Variants in LRIG2 observed in about 807,000 individuals in gnomAD.
LRIG2 encodes the protein leucine rich repeats and immunoglobulin like domains 2, also known as leucine-rich repeats and immunoglobulin-like domains protein 2.
In LRIG2, 93 loss-of-function variants were observed where a neutral mutation model predicts 107.8. The ratio of observed to expected loss-of-function variants is 0.86; its 90% CI spans 0.73 to 1.03. The LOEUF is 1.03. Among genes scored for constraint, LRIG2 ranks in the 50% least tolerant of loss-of-function variants. The pLI is 0.00. For missense variants in LRIG2, 1,226 were observed against 1,296.0 expected (o/e 0.95, Z 0.83); for synonymous variants, 471 against 470.6 (o/e 1.00, Z -0.01).
chr1:113,081,500 T>A (rs531891305), intron 1 of LRIG2, among the ~76,000 whole-genome samples: 1 of 152,096 alleles, frequency 6.6e-6, no homozygotes, highest in African/African-American at 2.4e-5. Flanking sequence ...AATTTTTGTA[T>A]TTTTAGTAGA....
rs1169270324 is a variant in LRIG2 at position 113,129,874 on chromosome 1, C to G, written c.*5773C>G. On this transcript the variant is annotated 3_prime_UTR_variant, in exon 18 of 18. Coordinates refer to ENST00000361127, the MANE Select transcript of LRIG2 (RefSeq NM_014813.3). The stretch of plus-strand genomic sequence containing the variant: ...ACAGGATCTACACTTATGCCATTGG[C>G]TTTCTGTCACTCCGCAACTTGTACT... The G allele has an allele frequency of 6.6e-6, 1 of 152,110 alleles. No individual in the cohort carries two copies. Among genetic ancestry groups the G allele is most frequent in the Non-Finnish European group, 1.5e-5 (1 of 68,054 alleles). 9.4% of individuals were successfully genotyped at this position (152,110 alleles called of 1,614,324 possible).
intron 1 of LRIG2, among the ~76,000 whole-genome samples, chr1:113,081,050 C>G (rs902685146): frequency 1.3e-5 from 2 of 151,878 alleles, no homozygotes; most frequent in Admixed American, 1.3e-4. Context: ...ACCATGTTGG[C>G]CAGGCTGGCC....
chr1:113,094,233 T>G, intron 4 of LRIG2, 106 bp from the exon 5 acceptor site: 1 of 700,128 alleles, frequency 1.4e-6, no homozygotes, highest in Non-Finnish European at 2.3e-6. Flanking sequence ...GGATGGGCAT[T>G]AAGTGATAGA....
chr1:113,103,081 A>C (rs1570752820), intron 11 of LRIG2: 1 of 152,288 alleles, frequency 6.6e-6, no homozygotes, highest in Non-Finnish European at 1.5e-5. Flanking sequence ...GTTTAACATA[A>C]AATTTAAACA....
rs1389624345 is a variant in LRIG2, at chr1:113,096,236, A to G, written c.962A>G (p.Asn321Ser). 1.2e-6 allele frequency: 2 copies of G among 1,613,682 alleles called. No homozygotes were observed. The highest frequency in any genetic ancestry group is 1.7e-6 in the Non-Finnish European group (2 of 1,179,974). Residue 321 changes from asparagine (N) to serine (S), a missense_variant, in exon 8 of 18, where the codon AAC becomes AGC. Physicochemically the swap from Asn to Ser is conservative, Grantham distance 46 (BLOSUM62 1). This residue lies in a region of LRIG2 where 570 missense variants were observed against 550.2 expected (regional missense o/e 1.04). Coordinates refer to ENST00000361127, the MANE Select transcript of LRIG2 (RefSeq NM_014813.3). The part of the protein sequence containing the change: ...QRLSELDLSY[N>S]QLTRLDESAF... ...CTTGTTTTCAGTGATTTGTCCTATA[A>G]CCAGCTGACCCGCCTGGATGAATCT...
At chr1:113,089,094 G>A (rs957845125) in intron 1 of LRIG2, among the ~76,000 whole-genome samples, 23 of 152,256 alleles carry the variant, frequency 1.5e-4, no homozygotes, top group Middle Eastern at 3.4e-3. Flanking sequence ...CTGATAGGCC[G>A]GCATGAATCT....
chr1:113,095,225 C>G (rs1269141927), intron 6 of LRIG2, among the ~76,000 whole-genome samples: 1 of 152,028 alleles, frequency 6.6e-6, no homozygotes, highest in Non-Finnish European at 1.5e-5. Flanking sequence ...CCCACCTTGG[C>G]CTCCCAAAGT....
chr1:113,114,761 A>G lies in LRIG2; in HGVS notation c.2415A>G (p.Thr805=), dbSNP rs1444928534. ...GGCATGAAGATGATGGCTGGACCAC[A>G]GTTGGCATTGTCATCATTGTTGTGG... ...SIGHEDDGWT[T]VGIVIIVVVC... Residue 805 remains threonine, a synonymous_variant, in exon 15 of 18, where the codon ACA becomes ACG. Transcript: ENST00000361127. 1.9e-6 allele frequency: 3 copies of G among 1,614,174 alleles called. No homozygotes were observed. The highest frequency in any genetic ancestry group is 3.3e-4 in the Middle Eastern group (2 of 6,062).
At chr1:113,104,113 C>T (rs12090558) in intron 11 of LRIG2, among the ~76,000 whole-genome samples, 2,487 of 152,282 alleles carry the variant, frequency 0.016, 82 homozygotes, top group African/African-American at 0.056. Context: ...GTTTGGAATA[C>T]TTAAGATCTC....
chr1:113,082,698 G>C (rs1483126190), intron 1 of LRIG2, among the ~76,000 whole-genome samples: 1 of 152,164 alleles, frequency 6.6e-6, no homozygotes, highest in Non-Finnish European at 1.5e-5. Flanking sequence ...CTGTTGCCCA[G>C]GCTGGAGTGC....
chr1:113,080,393 T>A (rs1159742588), intron 1 of LRIG2, among the ~76,000 whole-genome samples: 3 of 151,366 alleles, frequency 2.0e-5, no homozygotes, highest in Non-Finnish European at 4.4e-5. Flanking sequence ...TTATTTATTT[T>A]TTTGGAGACG....
At chr1:113,076,075 G>A (rs1330937593) in intron 1 of LRIG2, among the ~76,000 whole-genome samples, 46 of 151,248 alleles carry the variant, frequency 3.0e-4, no homozygotes, top group Admixed American at 2.9e-3. Flanking sequence ...GCACGATCTC[G>A]GCTCAGTGCA....
At chr1:113,116,955 T>G (rs994108390) in intron 16 of LRIG2, among the ~76,000 whole-genome samples, 1 of 152,188 alleles carries the variant, frequency 6.6e-6, no homozygotes, top group Non-Finnish European at 1.5e-5. Context: ...CACTGTACTC[T>G]AGCCTGGACA....
intron 1 of LRIG2, among the ~76,000 whole-genome samples, chr1:113,082,657 T>C (rs1285311364): frequency 1.3e-5 from 2 of 151,922 alleles, no homozygotes; most frequent in African/African-American, 2.4e-5. Context: ...GTCTCTCTTA[T>C]TTATTTATTT....
chr1:113,116,036 T>G (rs1654992930), intron 15 of LRIG2, among the ~76,000 whole-genome samples: 1 of 152,180 alleles, frequency 6.6e-6, no homozygotes, highest in African/African-American at 2.4e-5. Context: ...GCAGATAGAT[T>G]ATGAAAGTGT....
At chr1:113,098,107 T>A (rs1359300318) in intron 8 of LRIG2, among the ~76,000 whole-genome samples, 4 of 152,232 alleles carry the variant, frequency 2.6e-5, no homozygotes, top group Non-Finnish European at 4.4e-5. Flanking sequence ...GCATTTCCTC[T>A]GAGAATGGAA....
intron 9 of LRIG2, among the ~76,000 whole-genome samples, chr1:113,099,753 G>A (rs1382998568): frequency 1.3e-5 from 2 of 152,198 alleles, no homozygotes; most frequent in African/African-American, 2.4e-5. Context: ...TTATCTAGCA[G>A]AAGTAGAGCA....
At position 113,102,364 on chromosome 1, in the gene LRIG2, G is replaced by A. The variant is rs988271421; in HGVS notation, c.1313+1876G>A. 2.0e-5 allele frequency among the ~76,000 whole-genome samples: 3 copies of A among 151,754 alleles called. No homozygotes were observed. In the South Asian group the frequency reaches 6.2e-4, roughly 31 times the overall value. On this transcript the variant is annotated intron_variant, in intron 11 of 17. Coordinates refer to ENST00000361127, the MANE Select transcript of LRIG2 (RefSeq NM_014813.3). ...GCTCACTGCAACCTCTGCCTCCCGG[G>A]TTCAAGTGATTCTCCTGCCTCAGCC...
chr1:113,091,832 TAACTA>T (rs1445581202), intron 2 of LRIG2, among the ~76,000 whole-genome samples: 1 of 152,370 alleles, frequency 6.6e-6, no homozygotes, highest in South Asian at 2.1e-4. Context: ...GTTTTTCTCT[TAACTA>T]AAGTTTTTCC....
Sources: allele counts gnomAD v4.1 joint callset (sites outside exome capture counted in the v4.1 genomes callset), GRCh38; gene constraint gnomAD v4.1.1; regional missense constraint gnomAD v4.1.1; transcripts MANE v1.5; gene names NCBI Gene and HGNC (gene_info 2026-07-23, HGNC 2026-07-21).